The following DMTF1 variants were observed in gnomAD, a reference collection of about 807,000 sequenced individuals.
DMTF1 encodes the protein cyclin-D-binding Myb-like transcription factor 1.
A neutral mutation model predicts 91.1 loss-of-function variants in DMTF1; 39 were observed. The ratio of observed to expected loss-of-function variants is 0.43; its 90% CI spans 0.33 to 0.56. DMTF1 has a LOEUF of 0.56. DMTF1 is among the 20% of genes least tolerant of loss of function. DMTF1 has a pLI of 0.05. For missense variants in DMTF1, 750 were observed against 914.5 expected (o/e 0.82, Z 2.32); for synonymous variants, 338 against 309.5 (o/e 1.09, Z -0.97).
chr7:87,187,609 T>C (rs539057260), intron 12 of DMTF1: 1 of 161,056 alleles, frequency 6.2e-6, no homozygotes, highest in South Asian at 1.7e-4. Context: ...CAAAGCAAAG[T>C]CTAGAATTGG....
intron 1 of DMTF1, among the ~76,000 whole-genome samples, chr7:87,155,244 TAGAA>T (rs1423174862): frequency 5.9e-5 from 9 of 152,340 alleles, no homozygotes; most frequent in East Asian, 1.9e-4. Context: ...ATCAAAAGCT[TAGAA>T]AGGAACAAAG....
chr7:87,177,535 A>G (rs1452741550), intron 7 of DMTF1, among the ~76,000 whole-genome samples: 3 of 152,094 alleles, frequency 2.0e-5, no homozygotes, highest in Non-Finnish European at 4.4e-5. Flanking sequence ...CCTTGTCCCA[A>G]TTTAGTGGCC....
chr7:87,173,659 C>A lies in DMTF1; in HGVS notation c.442+10C>A, dbSNP rs766619224. On this transcript the variant is annotated intron_variant, in intron 6 of 17. Coordinates refer to ENST00000331242, the MANE Select transcript of DMTF1 (RefSeq NM_001142327.2). ...TCTCTGACTAATAAAGGTAAGATAACACTGTGAATTTTAGTGCCTAGTGAA... is the reference window on the plus strand; with the variant it reads ...TCTCTGACTAATAAAGGTAAGATAAAACTGTGAATTTTAGTGCCTAGTGAA... The A allele has an allele frequency of 1.3e-6, 2 of 1,562,842 alleles. No homozygotes were observed. The highest frequency in any genetic ancestry group is 2.3e-5 in the East Asian group (1 of 43,918).
intron 4 of DMTF1, among the ~76,000 whole-genome samples, chr7:87,169,193 T>G (rs1213746307): frequency 6.6e-6 from 1 of 152,224 alleles, no homozygotes; most frequent in East Asian, 1.9e-4. Context: ...GCATGGTGGC[T>G]CATGCCTATA....
intron 1 of DMTF1, among the ~76,000 whole-genome samples, chr7:87,156,484 G>A (rs1790754150): frequency 6.6e-6 from 1 of 152,094 alleles, no homozygotes; most frequent in South Asian, 2.1e-4. Flanking sequence ...GTTCATTTAT[G>A]GCTCTGCTGC....
At chr7:87,190,801 G>A (rs1039762219) in intron 13 of DMTF1, 144 bp from the exon 14 acceptor site, 3 of 602,056 alleles carry the variant, frequency 5.0e-6, no homozygotes, top group Admixed American at 3.5e-5. Context: ...TCTCTCTTAA[G>A]AAATGTAAAT....
chr7:87,187,950 T>G, intron 12 of DMTF1, 142 bp from the exon 13 acceptor site: 1 of 614,270 alleles, frequency 1.6e-6, no homozygotes, highest in East Asian at 2.8e-5. Context: ...TTAAAATATC[T>G]TATTTTTATA....
At chr7:87,166,275 A>G (rs1170328174) in intron 3 of DMTF1, among the ~76,000 whole-genome samples, 3 of 152,204 alleles carry the variant, frequency 2.0e-5, no homozygotes, top group African/African-American at 7.2e-5. Context: ...CAAGTTTAAG[A>G]CACCGCCTTG....
Position 87,195,040 on chromosome 7 carries a change from T to G in DMTF1, c.2183T>G (p.Leu728Arg), listed in dbSNP as rs761530719. The change falls in exon 18 of 18, where the codon CTC (leucine) becomes CGC (arginine). Residue 728 changes from leucine to arginine, a missense_variant. Transcript: ENST00000331242. The stretch of plus-strand genomic sequence containing the variant: ...TTGAAACTCATTACAGATCCCATAC[T>G]CCAACATCATCAGGAAGAATCAAAT... ...LPLTTLTDPI[L>R]QHHQEESNII... 72 of 1,610,860 alleles carry G rather than the reference T, an allele frequency of 4.5e-5. No individual in the cohort carries two copies. The highest frequency in any genetic ancestry group is 5.6e-5 in the Non-Finnish European group (66 of 1,177,976).
At chr7:87,170,647 C>T (rs113764497) in intron 4 of DMTF1, among the ~76,000 whole-genome samples, 1,642 of 152,286 alleles carry the variant, frequency 0.011, 27 homozygotes, top group African/African-American at 0.037. Context: ...ATACTATCCT[C>T]CACCCCAACA....
chr7:87,162,239 A>G (rs1409686915), intron 1 of DMTF1, among the ~76,000 whole-genome samples: 1 of 152,014 alleles, frequency 6.6e-6, no homozygotes, highest in Non-Finnish European at 1.5e-5. Context: ...ACACCTGGCT[A>G]ATTTTTTATT....
At chr7:87,160,967 G>A (rs939590255) in intron 1 of DMTF1, among the ~76,000 whole-genome samples, 2 of 152,000 alleles carry the variant, frequency 1.3e-5, no homozygotes, top group Non-Finnish European at 2.9e-5. Flanking sequence ...TCTAATCCTG[G>A]CCTGTTGAAC....
At chr7:87,175,900 A>C (rs1796156415) in intron 7 of DMTF1, among the ~76,000 whole-genome samples, 1 of 152,236 alleles carries the variant, frequency 6.6e-6, no homozygotes, top group Non-Finnish European at 1.5e-5. Context: ...AAGAAAAGCT[A>C]GTAGTTTAGT....
At chr7:87,167,344 T>G (rs1213010807) in intron 4 of DMTF1, among the ~76,000 whole-genome samples, 1 of 152,220 alleles carries the variant, frequency 6.6e-6, no homozygotes, top group Non-Finnish European at 1.5e-5. Flanking sequence ...GCATACCAAC[T>G]GCAACATTAG....
intron 4 of DMTF1, among the ~76,000 whole-genome samples, chr7:87,170,111 G>C (rs987589475): frequency 1.3e-5 from 2 of 152,068 alleles, no homozygotes; most frequent in Admixed American, 1.3e-4. Flanking sequence ...TCTTCCAGTA[G>C]TTTTGATTTT....
At chr7:87,159,802 AG>A (rs781710644) in intron 1 of DMTF1, among the ~76,000 whole-genome samples, 20 of 152,258 alleles carry the variant, frequency 1.3e-4, no homozygotes, top group Non-Finnish European at 7.3e-5. Context: ...TACTGTACTG[AG>A]TACAATGTTA....
intron 5 of DMTF1, 57 bp downstream of exon 5, chr7:87,171,146 TAATAA>T: frequency 8.3e-7 from 1 of 1,203,290 alleles, no homozygotes; most frequent in South Asian, 1.3e-5. Context: ...ATTGCTTAGC[TAATAA>T]AATGATGAGA....
rs191468952 is a variant in DMTF1, at chr7:87,153,493, G to A, written c.-132+938G>A. 3.9e-5 allele frequency among the ~76,000 whole-genome samples: 6 copies of A among 152,282 alleles called. No homozygotes were observed. The East Asian group carries it at 7.7e-4, about 20-fold the overall frequency. ...CCCTTTTGTGCAATTGAATGATAGA[G>A]CATATGTCTTTATATAAAATACTCG... On this transcript the variant is annotated intron_variant, in intron 1 of 17. Coordinates refer to ENST00000331242, the MANE Select transcript of DMTF1 (RefSeq NM_001142327.2).
At position 87,166,589 on chromosome 7, in the gene DMTF1, A is replaced by C. The variant is rs756308993; in HGVS notation, c.216A>C (p.Ser72=). 1.2e-5 allele frequency: 20 copies of C among 1,612,486 alleles called. No homozygotes were observed. The highest frequency in any genetic ancestry group is 5.5e-5 in the South Asian group (5 of 90,944). Residue 72 remains serine (S), a synonymous_variant, in exon 4 of 18, where the codon TCA becomes TCC. Transcript: ENST00000331242. The part of the protein sequence containing the change: ...QSIDDSTPCI[S]VVALPLSEND... ...TTGATGATTCTACTCCTTGCATATC[A>C]GTTGTTGCACTTCCACGTAAGTCAC...
Sources: gnomAD v4.1 joint callset for allele counts (sites outside exome capture counted in the v4.1 genomes callset) on GRCh38, gnomAD v4.1.1 for gene constraint, MANE v1.5 for transcripts, NCBI Gene and HGNC (gene_info 2026-07-23, HGNC 2026-07-21) for gene names.